PTPRG: variants seen among roughly 807,000 people sequenced by gnomAD.
PTPRG encodes the protein receptor-type tyrosine-protein phosphatase gamma.
In PTPRG, 102 loss-of-function variants were observed where a neutral mutation model predicts 165.3. The observed-to-expected ratio is 0.62, with a 90% CI of 0.53 to 0.73. PTPRG has a LOEUF of 0.73. PTPRG is among the 30% of genes least tolerant of loss of function. The pLI is 0.00. For synonymous variants in PTPRG, 675 were observed against 669.5 expected, an observed-to-expected ratio of 1.01 and a Z score of -0.13; for missense variants, 1,866 against 1,861.4, an observed-to-expected ratio of 1.00 and a Z score of -0.05.
rs144234922 is a variant in PTPRG, at chr3:61,582,418, G to A, written c.85+20046G>A. 3.3e-3 allele frequency among the ~76,000 whole-genome samples: 503 copies of A among 152,172 alleles called. 1 individual carries two copies. The highest frequency in any genetic ancestry group is 4.9e-3 in the Non-Finnish European group (332 of 68,022). On this transcript the variant is annotated intron_variant, in intron 1 of 29. Transcript: ENST00000474889. ...AAAGCTGTCCAGTACATTCTTTTTC[G>A]TCCTGGCACAACTCTGAGATTGATG...
chr3:61,566,410 A>G (rs1699915246), intron 1 of PTPRG, among the ~76,000 whole-genome samples: 1 of 152,276 alleles, frequency 6.6e-6, no homozygotes, highest in African/African-American at 2.4e-5. Context: ...GCTGATTGAA[A>G]GTAACTTCCT....
chr3:62,021,409 T>C (rs2041686967), intron 4 of PTPRG, among the ~76,000 whole-genome samples: 1 of 152,224 alleles, frequency 6.6e-6, no homozygotes, highest in Non-Finnish European at 1.5e-5. Flanking sequence ...CATTTGAGAA[T>C]ATAAGCCAAC....
intron 2 of PTPRG, among the ~76,000 whole-genome samples, chr3:61,751,203 A>G (rs1162469733): frequency 6.6e-6 from 1 of 152,194 alleles, no homozygotes; most frequent in Non-Finnish European, 1.5e-5. Flanking sequence ...ATTCCTTAGC[A>G]TTTGGCCAAT....
At chr3:61,676,761 T>C (rs1703247524) in intron 1 of PTPRG, among the ~76,000 whole-genome samples, 1 of 152,110 alleles carries the variant, frequency 6.6e-6, no homozygotes, top group Non-Finnish European at 1.5e-5. Flanking sequence ...AGAGCTATTA[T>C]AGGCCTTCCT....
intron 4 of PTPRG, among the ~76,000 whole-genome samples, chr3:62,073,992 A>G (rs1701293103): frequency 6.6e-6 from 1 of 152,246 alleles, no homozygotes; most frequent in Non-Finnish European, 1.5e-5. Context: ...GCACTTGCCA[A>G]AACTTGAAAA....
At chr3:61,989,937 T>A in intron 3 of PTPRG, 133 bp downstream of exon 3, 1 of 925,102 alleles carries the variant, frequency 1.1e-6, no homozygotes, top group Non-Finnish European at 1.6e-6. Flanking sequence ...AGTCCTTAGT[T>A]TCAGAACAAG....
intron 2 of PTPRG, among the ~76,000 whole-genome samples, chr3:61,885,680 T>C (rs7428243): frequency 0.13 from 362 of 2,826 alleles, no homozygotes; most frequent in Middle Eastern, 0.17. Flanking sequence ...TCCTCTCCTC[T>C]CCTCTCCTCT....
chr3:61,840,757 C>G (rs1381410683), intron 2 of PTPRG, among the ~76,000 whole-genome samples: 1 of 145,046 alleles, frequency 6.9e-6, no homozygotes, highest in Non-Finnish European at 1.5e-5. Context: ...CAGAAAATTT[C>G]AGATGGAGTT....
intron 1 of PTPRG, among the ~76,000 whole-genome samples, chr3:61,704,685 T>C (rs2031158401): frequency 1.3e-5 from 2 of 151,504 alleles, no homozygotes; most frequent in African/African-American, 4.8e-5. Context: ...AAAACTCCTC[T>C]GAGAAAGCCA....
chr3:61,704,920 C>T (rs2031171606), intron 1 of PTPRG, among the ~76,000 whole-genome samples: 2 of 152,330 alleles, frequency 1.3e-5, no homozygotes, highest in South Asian at 4.1e-4. Context: ...ACAGTTTCTG[C>T]TACCTGCTCA....
At chr3:61,875,328 G>C (rs764524800) in intron 2 of PTPRG, among the ~76,000 whole-genome samples, 4 of 152,140 alleles carry the variant, frequency 2.6e-5, no homozygotes, top group Non-Finnish European at 5.9e-5. Context: ...CCCTGGTGCT[G>C]CCTGGGGATG....
At chr3:61,609,717 G>A (rs1394262423) in intron 1 of PTPRG, among the ~76,000 whole-genome samples, 1 of 151,974 alleles carries the variant, frequency 6.6e-6, no homozygotes, top group Admixed American at 6.6e-5. Flanking sequence ...AAATTAGCTG[G>A]GTGTGGTGGC....
At chr3:62,282,229 C>CT (rs1364553030) in intron 27 of PTPRG, among the ~76,000 whole-genome samples, 4 of 151,890 alleles carry the variant, frequency 2.6e-5, no homozygotes, top group Non-Finnish European at 5.9e-5. Context: ...TGAATTGTTT[C>CT]ACTAGCATGA....
At chr3:62,060,618 A>G (rs1559772970) in intron 4 of PTPRG, among the ~76,000 whole-genome samples, 1 of 152,076 alleles carries the variant, frequency 6.6e-6, no homozygotes, top group Non-Finnish European at 1.5e-5. Flanking sequence ...ATCCTGTGCT[A>G]TGTGGTTCTT....
rs368760896 is a variant in PTPRG at position 62,225,520 on chromosome 3, T to G, written c.2289-5705T>G. ...ATTACAAAGATATTTTTAGTTTTGT[T>G]TTTTTTTTTTCTGTAATCCTGAGGG... is the stretch of plus-strand genomic sequence containing the variant. On this transcript the variant is annotated intron_variant, in intron 13 of 29. Transcript: ENST00000474889. Among the ~76,000 whole-genome samples, 108 of 149,534 alleles carry G rather than the reference T, an allele frequency of 7.2e-4. 2 individuals carry two copies. The highest frequency in any genetic ancestry group is 2.4e-3 in the African/African-American group (97 of 40,354).
intron 1 of PTPRG, among the ~76,000 whole-genome samples, chr3:61,739,815 G>A (rs2032908432): frequency 6.6e-6 from 1 of 152,198 alleles, no homozygotes; most frequent in African/African-American, 2.4e-5. Context: ...AAGTGGGACT[G>A]GGTGGAGAAG....
chr3:62,074,944 T>C (rs927836298), intron 4 of PTPRG, among the ~76,000 whole-genome samples: 7 of 152,168 alleles, frequency 4.6e-5, no homozygotes, highest in African/African-American at 1.7e-4. Flanking sequence ...TTCACGCATG[T>C]CCAATTCACT....
intron 1 of PTPRG, among the ~76,000 whole-genome samples, chr3:61,738,289 T>C (rs1559583214): frequency 1.5e-5 from 1 of 68,662 alleles, no homozygotes; most frequent in African/African-American, 6.1e-5. Flanking sequence ...CATATATATA[T>C]ATATATATAT....
intron 1 of PTPRG, among the ~76,000 whole-genome samples, chr3:61,654,293 T>C (rs1702448439): frequency 6.6e-6 from 1 of 152,208 alleles, no homozygotes. Flanking sequence ...ATAGCACATT[T>C]AGGAGATATA....
Sources: allele counts gnomAD v4.1 joint callset (sites outside exome capture counted in the v4.1 genomes callset), GRCh38; gene constraint gnomAD v4.1.1; transcripts MANE v1.5; gene names NCBI Gene and HGNC (gene_info 2026-07-23, HGNC 2026-07-21).